Variants in MCF2L observed in about 807,000 individuals in gnomAD.
MCF2L encodes the protein guanine nucleotide exchange factor DBS.
A neutral mutation model predicts 153.4 loss-of-function variants in MCF2L; 97 were observed. That is an observed-to-expected ratio of 0.63 (90% CI 0.54 to 0.75). The LOEUF (loss-of-function observed/expected upper bound fraction) is 0.75, where lower values mean the gene tolerates loss of function less well. Among genes scored for constraint, MCF2L ranks in the 30% least tolerant of loss-of-function variants. MCF2L has a pLI of 0.00. For missense variants in MCF2L, 1,347 were observed against 1,495.2 expected, an observed-to-expected ratio of 0.90 and a Z score of 1.64; for synonymous variants, 659 against 632.2, an observed-to-expected ratio of 1.04 and a Z score of -0.64.
intron 1 of MCF2L, among the ~76,000 whole-genome samples, chr13:112,894,786 C>G (rs761302180): frequency 6.6e-6 from 1 of 152,130 alleles, no homozygotes; most frequent in Non-Finnish European, 1.5e-5. Context: ...TGCCGACGAT[C>G]CCTTGGGCAC....
chr13:113,063,316 C>T (rs1044187500), intron 5 of MCF2L, among the ~76,000 whole-genome samples: 27 of 151,430 alleles, frequency 1.8e-4, no homozygotes, highest in African/African-American at 6.5e-4. Context: ...CGCCCCCATC[C>T]GCTCAGCTGC....
At chr13:112,909,275 G>A (rs1180584924) in intron 2 of MCF2L, 2 of 779,764 alleles carry the variant, frequency 2.6e-6, no homozygotes. Context: ...CTCGTCCACA[G>A]TGAGCTGGTG....
At chr13:113,004,613 T>C (rs1227615792) in intron 1 of MCF2L, among the ~76,000 whole-genome samples, 1 of 152,210 alleles carries the variant, frequency 6.6e-6, no homozygotes, top group Non-Finnish European at 1.5e-5. Flanking sequence ...CAAGGAAGCC[T>C]TGTCTCAGCT....
At chr13:112,946,942 A>C (rs1206511982) in intron 2 of MCF2L, among the ~76,000 whole-genome samples, 1 of 152,198 alleles carries the variant, frequency 6.6e-6, no homozygotes. Context: ...CCCAGGGAGC[A>C]GTGGCAGGGT....
At chr13:113,025,221 T>C (rs2085169112) in intron 3 of MCF2L, among the ~76,000 whole-genome samples, 1 of 114,864 alleles carries the variant, frequency 8.7e-6, no homozygotes, top group African/African-American at 3.3e-5. Context: ...CCCGTGACTG[T>C]GGGTCGGGGC....
chr13:112,900,799 G>C (rs552067308), intron 1 of MCF2L, among the ~76,000 whole-genome samples: 1 of 152,234 alleles, frequency 6.6e-6, no homozygotes, highest in East Asian at 1.9e-4. Context: ...AGTGGTTCTC[G>C]GGACGGGCCT....
Position 112,915,206 on chromosome 13 carries a change from G to A in MCF2L, c.169+12835G>A, listed in dbSNP as rs558125033. Among the ~76,000 whole-genome samples the A allele has an allele frequency of 9.9e-5, 15 of 151,820 alleles. No homozygotes were observed. In the East Asian group the frequency reaches 1.2e-3, roughly 12 times the overall value. The stretch of plus-strand genomic sequence containing the variant: ...CGGTGGATCACAAGGTCAGGAGATC[G>A]AGACCACCCTGGCTAACACGGTGAA... On this transcript the variant is annotated intron_variant, in intron 2 of 29. Transcript: ENST00000375608.
chr13:112,905,282 G>T (rs2081161768), intron 2 of MCF2L, among the ~76,000 whole-genome samples: 1 of 152,180 alleles, frequency 6.6e-6, no homozygotes, highest in Non-Finnish European at 1.5e-5. Context: ...GTCCCCATTG[G>T]CTGGAGTCAG....
intron 2 of MCF2L, among the ~76,000 whole-genome samples, chr13:113,023,501 G>A (rs1354236362): frequency 6.6e-6 from 1 of 152,198 alleles, no homozygotes; most frequent in Non-Finnish European, 1.5e-5. Flanking sequence ...GCGCAAGGCG[G>A]CGGGGGACTG....
At chr13:112,948,839 G>T (rs967616308) in intron 2 of MCF2L, among the ~76,000 whole-genome samples, 1 of 152,232 alleles carries the variant, frequency 6.6e-6, no homozygotes. Context: ...GCCAAGGTGG[G>T]TGGATCACCT....
intron 3 of MCF2L, among the ~76,000 whole-genome samples, chr13:113,026,542 C>T (rs1356072279): frequency 6.6e-6 from 1 of 152,214 alleles, no homozygotes; most frequent in African/African-American, 2.4e-5. Context: ...GCTGTGCTCC[C>T]TCGTATACCA....
chr13:113,073,583 T>C (rs1003126946), intron 9 of MCF2L, among the ~76,000 whole-genome samples: 7 of 152,144 alleles, frequency 4.6e-5, no homozygotes, highest in African/African-American at 1.4e-4. Context: ...TAACAAAAAT[T>C]AAAAGCTTTT....
At chr13:112,946,329 AAC>A (rs1315285956) in intron 2 of MCF2L, among the ~76,000 whole-genome samples, 1 of 152,206 alleles carries the variant, frequency 6.6e-6, no homozygotes, top group Non-Finnish European at 1.5e-5. Flanking sequence ...AAATAAATAA[AAC>A]ACATGTGGTT....
At chr13:113,052,160 C>T (rs933028730) in intron 4 of MCF2L, among the ~76,000 whole-genome samples, 3 of 152,238 alleles carry the variant, frequency 2.0e-5, no homozygotes. Context: ...CAAAACATCA[C>T]TGGGTGCCCC....
At position 113,017,675 on chromosome 13, in the gene MCF2L, C is replaced by T. The variant is rs531116461; in HGVS notation, c.163+2829C>T. Among the ~76,000 whole-genome samples, 5 of 152,240 alleles carry T rather than the reference C, an allele frequency of 3.3e-5. No homozygotes were observed. The South Asian group carries it at 1.0e-3, about 32-fold the overall frequency. ...CCGCCCCAGCATCACCCATGGGACTCGCTCTCCCTGTCTCGCTCCACTCGA... is the reference window on the plus strand; with the variant it reads ...CCGCCCCAGCATCACCCATGGGACTTGCTCTCCCTGTCTCGCTCCACTCGA... On this transcript the variant is annotated intron_variant, in intron 2 of 29. Coordinates refer to ENST00000535094, the MANE Select transcript of MCF2L (RefSeq NM_001112732.3).
rs552060162 is a variant in MCF2L, at chr13:112,909,273, C to T, written c.169+6902C>T. On this transcript the variant is annotated intron_variant, in intron 2 of 29. Transcript: ENST00000375608. Reference sequence around the variant, plus strand: ...AGCAGAGGTCTCGGCATCTCGTCCACAGTGAGCTGGTGTCCTGCCAGTCTC... The same window carrying T: ...AGCAGAGGTCTCGGCATCTCGTCCATAGTGAGCTGGTGTCCTGCCAGTCTC... 16 of 779,812 alleles carry T rather than the reference C, an allele frequency of 2.1e-5. No homozygotes were observed. In the African/African-American group the frequency reaches 2.4e-4, roughly 12 times the overall value. 48.3% of individuals were successfully genotyped at this position (779,812 alleles called of 1,614,324 possible).
chr13:113,084,422 TTAAAACCTTC>T (rs1471422913), intron 18 of MCF2L: 13 of 346,844 alleles, frequency 3.7e-5, no homozygotes, highest in Non-Finnish European at 6.8e-5. Context: ...GCCCTGTGCC[TTAAAACCTTC>T]TGTGCCCCTA....
chr13:113,096,449 G>T lies in MCF2L; in HGVS notation c.3154G>T (p.Val1052Leu). ...GCTGCGCGTGAGGAGCGGGGACGTG[G>T]TGGAGCTGGTGCAGGAGGGCGACGA... Reference protein sequence around the residue: ...DALRVRSGDVVELVQEGDEGL... With the variant: ...DALRVRSGDVLELVQEGDEGL... Residue 1052 changes from valine to leucine, a missense_variant, in exon 28 of 30, where the codon GTG (valine) becomes TTG (leucine). Val to Leu is a conservative substitution (Grantham distance 32). Around this residue, in one of 3 missense-constraint regions of MCF2L, gnomAD observed 383 missense variants for 335.4 expected, o/e 1.14. Coordinates refer to ENST00000535094, the MANE Select transcript of MCF2L (RefSeq NM_001112732.3). 1 of 1,593,694 alleles carries T rather than the reference G, an allele frequency of 6.3e-7. No homozygotes were observed. Among genetic ancestry groups the T allele is most frequent in the Non-Finnish European group, 8.5e-7 (1 of 1,171,368 alleles).
At chr13:112,962,625 A>G (rs2081845569) in intron 2 of MCF2L, among the ~76,000 whole-genome samples, 2 of 152,184 alleles carry the variant, frequency 1.3e-5, no homozygotes. Flanking sequence ...CCTTCAGCTT[A>G]GGGCTGCTGG....
Sources: allele counts gnomAD v4.1 joint callset (sites outside exome capture counted in the v4.1 genomes callset), GRCh38; gene constraint gnomAD v4.1.1; regional missense constraint gnomAD v4.1.1; transcripts MANE v1.5; gene names NCBI Gene and HGNC (gene_info 2026-07-23, HGNC 2026-07-21).